TMEM161B: variants seen among roughly 807,000 people sequenced by gnomAD.
TMEM161B encodes transmembrane protein 161B.
Under a neutral mutation model 61.8 loss-of-function variants are expected in TMEM161B, and 34 were observed. The ratio of observed to expected loss-of-function variants is 0.55; its 90% CI spans 0.42 to 0.73. TMEM161B has a LOEUF of 0.73. Among genes scored for constraint, TMEM161B ranks in the 30% least tolerant of loss-of-function variants. The pLI, the probability that TMEM161B is intolerant of heterozygous loss-of-function variation, is 0.00. For missense variants in TMEM161B, 456 were observed against 558.5 expected (o/e 0.82, Z 1.85); for synonymous variants, 167 against 192.8 (o/e 0.87, Z 1.11).
At chr5:88,224,605 A>G (rs985338393) in intron 4 of TMEM161B, among the ~76,000 whole-genome samples, 7 of 152,140 alleles carry the variant, frequency 4.6e-5, no homozygotes, top group Admixed American at 3.3e-4. Context: ...TTCTAAAACC[A>G]TTTTCCTTTC....
downstream of TMEM161B, among the ~76,000 whole-genome samples, chr5:88,193,374 AT>A (rs1454713110): frequency 1.3e-5 from 2 of 152,176 alleles, no homozygotes; most frequent in Non-Finnish European, 2.9e-5. Flanking sequence ...AACATACAAA[AT>A]AAAAGAACTA....
At chr5:88,204,913 A>G (rs1745165111) in intron 8 of TMEM161B, among the ~76,000 whole-genome samples, 1 of 152,190 alleles carries the variant, frequency 6.6e-6, no homozygotes, top group African/African-American at 2.4e-5. Flanking sequence ...CAAGAATGTG[A>G]AAAGACTAAA....
At chr5:88,225,701 T>C in intron 4 of TMEM161B, 68 bp downstream of exon 4, 1 of 1,013,648 alleles carries the variant, frequency 9.9e-7, no homozygotes, top group Non-Finnish European at 1.5e-6. Flanking sequence ...ATGATTAAAA[T>C]GAAAGTACTT....
intron 8 of TMEM161B, among the ~76,000 whole-genome samples, chr5:88,203,922 T>G (rs1744957845): frequency 6.6e-6 from 1 of 151,016 alleles, no homozygotes. Flanking sequence ...CAGAGATAGA[T>G]GGCTGATAAA....
At chr5:88,252,778 T>C (rs560815212) in intron 1 of TMEM161B, among the ~76,000 whole-genome samples, 148 of 152,340 alleles carry the variant, frequency 9.7e-4, no homozygotes, top group African/African-American at 3.3e-3. Flanking sequence ...AGGCTTTTGC[T>C]AATACATAAA....
At chr5:88,253,828 T>G (rs1006442491) in intron 1 of TMEM161B, among the ~76,000 whole-genome samples, 1 of 152,070 alleles carries the variant, frequency 6.6e-6, no homozygotes, top group Non-Finnish European at 1.5e-5. Context: ...TTTTTAAAAT[T>G]AAAACTTTTA....
intron 10 of TMEM161B, chr5:88,198,728 CATA>C: frequency 2.8e-6 from 1 of 360,010 alleles, no homozygotes; most frequent in Non-Finnish European, 5.0e-6. Flanking sequence ...CAATATTAGG[CATA>C]AAACAGCTTT....
At chr5:88,212,102 C>T (rs1746923806) in intron 5 of TMEM161B, among the ~76,000 whole-genome samples, 1 of 152,076 alleles carries the variant, frequency 6.6e-6, no homozygotes, top group South Asian at 2.1e-4. Flanking sequence ...TTAAATATCA[C>T]CATGATAAGT....
intron 2 of TMEM161B, among the ~76,000 whole-genome samples, chr5:88,231,477 G>C (rs1750974101): frequency 6.6e-6 from 1 of 152,210 alleles, no homozygotes; most frequent in Non-Finnish European, 1.5e-5. Context: ...TACCCTAAGT[G>C]AAAGATTCTT....
chr5:88,232,696 C>T (rs902586843), intron 2 of TMEM161B, among the ~76,000 whole-genome samples: 11 of 152,128 alleles, frequency 7.2e-5, no homozygotes, highest in Admixed American at 6.5e-4. Flanking sequence ...GCCTCAGCCT[C>T]CCGAGTACCT....
At chr5:88,242,473 G>A (rs1561399916) in intron 1 of TMEM161B, among the ~76,000 whole-genome samples, 1 of 151,618 alleles carries the variant, frequency 6.6e-6, no homozygotes, top group African/African-American at 2.4e-5. Flanking sequence ...TACCAAAAAA[G>A]CACTTAAAAA....
At chr5:88,188,549 T>C (rs1462527263), downstream of TMEM161B, among the ~76,000 whole-genome samples, 1 of 152,168 alleles carries the variant, frequency 6.6e-6, no homozygotes, top group African/African-American at 2.4e-5. Flanking sequence ...TAATATTGAG[T>C]GTCAACTTGA....
At chr5:88,202,787 C>A in intron 9 of TMEM161B, 175 bp downstream of exon 9, 3 of 632,638 alleles carry the variant, frequency 4.7e-6, no homozygotes, top group South Asian at 1.8e-5. Context: ...ATAAAGATCA[C>A]AAAAATGTTA....
chr5:88,192,014 A>ATATATG (rs1748986402), downstream of TMEM161B, among the ~76,000 whole-genome samples: 5 of 93,788 alleles, frequency 5.3e-5, 1 homozygote, highest in African/African-American at 2.2e-4. Flanking sequence ...ATATATATAT[A>ATATATG]TATATATATA....
At chr5:88,212,799 C>T (rs1161393900) in intron 5 of TMEM161B, among the ~76,000 whole-genome samples, 1 of 152,172 alleles carries the variant, frequency 6.6e-6, no homozygotes, top group Admixed American at 6.5e-5. Flanking sequence ...TTCACTCCAG[C>T]CTGGGCGATG....
chr5:88,190,637 G>A (rs373631242), downstream of TMEM161B, among the ~76,000 whole-genome samples: 703 of 152,302 alleles, frequency 4.6e-3, 1 homozygote, highest in South Asian at 9.5e-3. Flanking sequence ...GTGGAAGCTC[G>A]CTGGTGTCCT....
intron 2 of TMEM161B, among the ~76,000 whole-genome samples, chr5:88,231,022 T>C (rs1750898741): frequency 6.6e-6 from 1 of 152,084 alleles, no homozygotes; most frequent in Admixed American, 6.6e-5. Flanking sequence ...CCCTATATAA[T>C]GAAACTCAAA....
intron 5 of TMEM161B, among the ~76,000 whole-genome samples, chr5:88,209,731 T>G (rs181913853): frequency 1.3e-5 from 2 of 152,212 alleles, no homozygotes; most frequent in Non-Finnish European, 2.9e-5. Context: ...TGTAATACTA[T>G]GATCTGGCCA....
intron 1 of TMEM161B, among the ~76,000 whole-genome samples, chr5:88,244,491 A>G (rs1317506509): frequency 6.7e-6 from 1 of 150,220 alleles, no homozygotes. Context: ...CCATAGGCCT[A>G]TGTGTCTATT....
Sources: allele counts gnomAD v4.1 joint callset (sites outside exome capture counted in the v4.1 genomes callset), GRCh38; gene constraint gnomAD v4.1.1; transcripts MANE v1.5; gene names NCBI Gene and HGNC (gene_info 2026-07-23, HGNC 2026-07-21).